The following SUCLG1 variants were observed in gnomAD, a reference collection of about 807,000 sequenced individuals.
The protein encoded by SUCLG1 is succinate--CoA ligase [ADP/GDP-forming] subunit alpha, mitochondrial.
SUCLG1 carries 26 observed loss-of-function variants against 37.3 expected under a neutral mutation model. The ratio of observed to expected loss-of-function variants is 0.70; its 90% CI spans 0.51 to 0.97. The LOEUF (loss-of-function observed/expected upper bound fraction) is 0.97. Ranked by LOEUF, SUCLG1 falls within the 50% of genes least tolerant of loss-of-function variation. SUCLG1 has a pLI of 0.00. For missense variants in SUCLG1, 433 were observed against 432.9 expected (o/e 1.00, Z 0.00); for synonymous variants, 163 against 155.6 (o/e 1.05, Z -0.36).
intron 2 of SUCLG1, among the ~76,000 whole-genome samples, chr2:84,448,520 C>CAA (rs59457991): frequency 8.0e-6 from 1 of 125,160 alleles, no homozygotes; most frequent in Non-Finnish European, 1.7e-5. Context: ...CTTAAATTAC[C>CAA]AAAAAAAAAA....
Position 84,446,861 on chromosome 2 carries a change from C to T in SUCLG1, c.201+2788G>A, listed in dbSNP as rs144251877. On this transcript the variant is annotated intron_variant, in intron 2 of 8. Transcript: ENST00000393868. ...TTAGACTGAAAATTAAAAACAAGCACCTACACTGGTTTTTTGCTACAGACA... is the reference window on the plus strand; with the variant it reads ...TTAGACTGAAAATTAAAAACAAGCATCTACACTGGTTTTTTGCTACAGACA... Among the ~76,000 whole-genome samples the T allele has an allele frequency of 1.5e-3, 228 of 152,252 alleles. 13 individuals are homozygous for T. In the East Asian group the frequency reaches 0.039, roughly 26 times the overall value.
chr2:84,440,891 A>G (rs959302435), intron 5 of SUCLG1, among the ~76,000 whole-genome samples, 156 bp downstream of exon 5: 2 of 152,224 alleles, frequency 1.3e-5, no homozygotes, highest in Admixed American at 1.3e-4. Context: ...CATTATATTC[A>G]AGATACAGAA....
At chr2:84,428,789 A>G (rs2104240438) in intron 7 of SUCLG1, among the ~76,000 whole-genome samples, 1 of 152,350 alleles carries the variant, frequency 6.6e-6, no homozygotes, top group Non-Finnish European at 1.5e-5. Context: ...GAATGCTATC[A>G]GTGTAGTCTG....
At chr2:84,432,221 C>T (rs965224137) in intron 6 of SUCLG1, 10 of 154,512 alleles carry the variant, frequency 6.5e-5, no homozygotes, top group Non-Finnish European at 1.4e-4. Context: ...CAGAGCCATA[C>T]TACACACCAC....
At chr2:84,428,708 T>C (rs1008597645) in intron 7 of SUCLG1, among the ~76,000 whole-genome samples, 8 of 152,322 alleles carry the variant, frequency 5.3e-5, no homozygotes, top group African/African-American at 1.4e-4. Flanking sequence ...TAAAAGACTA[T>C]GGGGAAGTGT....
chr2:84,441,143 A>G, intron 4 of SUCLG1, 39 bp from the exon 5 acceptor site: 1 of 1,613,732 alleles, frequency 6.2e-7, no homozygotes, highest in Admixed American at 1.7e-5. Flanking sequence ...TTAAAAAAAA[A>G]AGTCACTCAC....
Position 84,436,662 on chromosome 2 carries a change from T to C in SUCLG1, c.590-3227A>G, listed in dbSNP as rs990791754. Among the ~76,000 whole-genome samples the C allele has an allele frequency of 2.0e-5, 3 of 152,248 alleles. No homozygotes were observed. The East Asian group carries it at 5.8e-4, about 29-fold the overall frequency. On this transcript the variant is annotated intron_variant, in intron 5 of 8. Coordinates refer to ENST00000393868, the MANE Select transcript of SUCLG1 (RefSeq NM_003849.4). ...ATCTTGGCTTGGCAAAATAAATTCA[T>C]AGTCAGGCTTGATCAACCAGCCTGA...
chr2:84,446,005 ACAG>A (rs1310758239), intron 2 of SUCLG1, among the ~76,000 whole-genome samples: 1 of 152,252 alleles, frequency 6.6e-6, no homozygotes, highest in Non-Finnish European at 1.5e-5. Flanking sequence ...TGGCTTCCAC[ACAG>A]CAGGCACATG....
At chr2:84,449,327 T>C (rs769109883) in intron 2 of SUCLG1, among the ~76,000 whole-genome samples, 5 of 152,180 alleles carry the variant, frequency 3.3e-5, no homozygotes, top group Non-Finnish European at 7.3e-5. Flanking sequence ...ACCTAGTGCT[T>C]AGTCAAAGAA....
At chr2:84,433,722 A>AAGAC in intron 5 of SUCLG1, 1 of 426,820 alleles carries the variant, frequency 2.3e-6, no homozygotes, top group South Asian at 2.3e-5. Context: ...TCTTCTGAGA[A>AAGAC]TCTTTATGAA....
chr2:84,448,479 C>T, intron 2 of SUCLG1, among the ~76,000 whole-genome samples: 1 of 131,386 alleles, frequency 7.6e-6, no homozygotes, highest in South Asian at 2.4e-4. Flanking sequence ...ATTGACATGA[C>T]AATTCTTTTA....
chr2:84,428,026 A>G (rs1484905666), intron 7 of SUCLG1, among the ~76,000 whole-genome samples: 3 of 152,154 alleles, frequency 2.0e-5, no homozygotes, highest in Non-Finnish European at 4.4e-5. Flanking sequence ...AAGGAGCTAC[A>G]TGGTCAGACA....
chr2:84,439,598 A>G (rs1037964075), intron 5 of SUCLG1, among the ~76,000 whole-genome samples: 2 of 152,216 alleles, frequency 1.3e-5, no homozygotes, highest in Non-Finnish European at 2.9e-5. Context: ...CATTGGTAAT[A>G]AAGAAAAATC....
rs1000064720 is a variant in SUCLG1 at position 84,453,371 on chromosome 2, T to C, written c.98-3619A>G. The stretch of plus-strand genomic sequence containing the variant: ...CAATGGATGACAAACTGCAAATCCA[T>C]ATATGATGAGATGCCTAGCTTTACT... On this transcript the variant is annotated intron_variant, in intron 1 of 8. Transcript: ENST00000393868. 1.8e-4 allele frequency among the ~76,000 whole-genome samples: 28 copies of C among 151,938 alleles called. 1 individual carries two copies. The highest frequency in any genetic ancestry group is 6.8e-4 in the African/African-American group (28 of 41,372).
At chr2:84,443,638 A>AAACT in intron 2 of SUCLG1, among the ~76,000 whole-genome samples, 1 of 151,998 alleles carries the variant, frequency 6.6e-6, no homozygotes, top group East Asian at 1.9e-4. Flanking sequence ...TGATAACCAG[A>AAACT]AACTCCCTGT....
intron 8 of SUCLG1, 84 bp from the exon 9 acceptor site, chr2:84,423,856 T>G: frequency 1.4e-6 from 2 of 1,395,466 alleles, no homozygotes; most frequent in Non-Finnish European, 2.0e-6. Flanking sequence ...AAAATGATTT[T>G]GAAACCTATT....
intron 8 of SUCLG1, 95 bp from the exon 9 acceptor site, chr2:84,423,867 A>G: frequency 3.9e-6 from 5 of 1,274,304 alleles, no homozygotes; most frequent in Non-Finnish European, 5.5e-6. Context: ...GAAACCTATT[A>G]TCTTTAGGAT....
At chr2:84,433,283 AATT>A (rs1302048435) in intron 6 of SUCLG1, 66 bp downstream of exon 6, 1 of 1,245,948 alleles carries the variant, frequency 8.0e-7, no homozygotes, top group African/African-American at 1.5e-5. Context: ...TAAAATCAAT[AATT>A]ATTATTATAC....
intron 3 of SUCLG1, among the ~76,000 whole-genome samples, chr2:84,442,629 A>G (rs1267319226): frequency 6.6e-6 from 1 of 152,266 alleles, no homozygotes; most frequent in Non-Finnish European, 1.5e-5. Context: ...AATTTTTACA[A>G]AAAGTACCTA....
Sources: allele counts gnomAD v4.1 joint callset (sites outside exome capture counted in the v4.1 genomes callset), GRCh38; gene constraint gnomAD v4.1.1; transcripts MANE v1.5; gene names NCBI Gene and HGNC (gene_info 2026-07-23, HGNC 2026-07-21).